The following CFAP77 variants were observed in gnomAD, a reference collection of about 807,000 sequenced individuals.
CFAP77 encodes the protein cilia and flagella associated protein 77, also known as cilia- and flagella-associated protein 77.
CFAP77 carries 25 observed loss-of-function variants against 31.1 expected under a neutral mutation model. The ratio of observed to expected loss-of-function variants is 0.80; its 90% CI spans 0.59 to 1.12. The LOEUF (loss-of-function observed/expected upper bound fraction) is 1.12, where lower values mean the gene tolerates loss of function less well. CFAP77 is among the 50% of genes most tolerant of loss of function. The pLI is 0.00. For synonymous variants in CFAP77, 151 were observed against 159.9 expected, an observed-to-expected ratio of 0.94 and a Z score of 0.42; for missense variants, 377 against 397.3, an observed-to-expected ratio of 0.95 and a Z score of 0.44.
At position 132,495,301 on chromosome 9, in the gene CFAP77, G is replaced by T. The variant is rs1382992904; in HGVS notation, c.196-3394G>T. On this transcript the variant is annotated intron_variant, in intron 1 of 5. Transcript: ENST00000393216. This position sits in a 1 kb window ranked among gnomAD's most constrained non-coding sequence, Gnocchi z 4.2. ...CCTGCTCCTTGCTCCCTGCCTGAGG[G>T]TGGCAGCCAGCTCCTGAGTCTGTCT... 6.6e-6 allele frequency among the ~76,000 whole-genome samples: 1 copy of T among 152,160 alleles called. No homozygotes were observed. Among genetic ancestry groups the T allele is most frequent in the African/African-American group, 2.4e-5 (1 of 41,424 alleles).
At chr9:132,473,850 A>AT (rs1408727172) in intron 1 of CFAP77, among the ~76,000 whole-genome samples, 46 of 152,134 alleles carry the variant, frequency 3.0e-4, no homozygotes, top group African/African-American at 1.1e-3. Flanking sequence ...CGCCCGGCTA[A>AT]TTTTGTATTT....
intron 3 of CFAP77, among the ~76,000 whole-genome samples, chr9:132,515,786 T>C (rs1852134647): frequency 6.6e-6 from 1 of 152,168 alleles, no homozygotes; most frequent in Non-Finnish European, 1.5e-5. Context: ...CCCATTTCCA[T>C]GGTGAGGAAC....
At chr9:132,491,897 G>A (rs571417311) in intron 1 of CFAP77, among the ~76,000 whole-genome samples, 9 of 152,170 alleles carry the variant, frequency 5.9e-5, no homozygotes, top group Non-Finnish European at 1.3e-4. Flanking sequence ...GCTTAAAGTT[G>A]CAATTTCCAA....
rs533275755 is a variant in CFAP77, at chr9:132,521,778, T to TTTTTTTTTTTTG, written c.525-15817_525-15816insTTTTTGTTTTTT. Among the ~76,000 whole-genome samples, 114 of 106,136 alleles carry TTTTTTTTTTTTG rather than the reference T, an allele frequency of 1.1e-3. 5 individuals carry two copies. The highest frequency in any genetic ancestry group is 3.8e-3 in the African/African-American group (98 of 26,042). The allele number at this position is 106,136 out of a possible 152,430, so 69.6% of individuals were successfully genotyped here. On this transcript the variant is annotated intron_variant, in intron 3 of 5. Transcript: ENST00000393216. ...ATAGACTTGCTTTTTTTTTTTTTTT[T>TTTTTTTTTTTTG]TTTTTTGAGATGAAGTCTCACTCTG...
intron 1 of CFAP77, among the ~76,000 whole-genome samples, chr9:132,435,120 G>A (rs1446935605): frequency 1.3e-5 from 2 of 152,194 alleles, no homozygotes; most frequent in Admixed American, 6.5e-5. Flanking sequence ...ATTTGGTATT[G>A]TATTTATAAG....
intron 5 of CFAP77, among the ~76,000 whole-genome samples, chr9:132,546,991 T>G (rs953033879): frequency 3.3e-5 from 5 of 152,164 alleles, no homozygotes; most frequent in African/African-American, 1.2e-4. Context: ...AAACCCAGGG[T>G]GAGCCAGCAG....
At position 132,511,540 on chromosome 9, in the gene CFAP77, G is replaced by A. The variant is rs1276297341; in HGVS notation, c.524+11940G>A. Among the ~76,000 whole-genome samples, 1 of 152,228 alleles carries A rather than the reference G, an allele frequency of 6.6e-6. No individual in the cohort carries two copies. Among genetic ancestry groups the A allele is most frequent in the African/African-American group, 2.4e-5 (1 of 41,456 alleles). On this transcript the variant is annotated intron_variant, in intron 3 of 5. Coordinates refer to ENST00000393216, the MANE Select transcript of CFAP77 (RefSeq NM_001282957.2). This position sits in a 1 kb window ranked among gnomAD's most constrained non-coding sequence, Gnocchi z 5.8. ...TGTAGGTGCTCAGTAAACGCTTGTT[G>A]ACTGACTGCGTGAGAGGGAACAGAT... is the stretch of plus-strand genomic sequence containing the variant.
chr9:132,513,773 G>A (rs1228593177), intron 3 of CFAP77, among the ~76,000 whole-genome samples: 2 of 152,214 alleles, frequency 1.3e-5, no homozygotes, highest in South Asian at 2.1e-4. Flanking sequence ...TGATGTCCAC[G>A]AGCAGAGCTG....
intron 1 of CFAP77, among the ~76,000 whole-genome samples, chr9:132,417,118 CTTTTTT>C (rs142153092): frequency 7.2e-6 from 1 of 139,232 alleles, no homozygotes; most frequent in East Asian, 2.1e-4. Context: ...TTCTTTTTTT[CTTTTTT>C]TTTTTTTTGA....
intron 3 of CFAP77, among the ~76,000 whole-genome samples, chr9:132,528,441 C>T (rs1487196214): frequency 6.7e-6 from 1 of 148,336 alleles, no homozygotes; most frequent in Non-Finnish European, 1.5e-5. Flanking sequence ...AGGACATAGG[C>T]GTGGGCAAGG....
At chr9:132,489,044 G>C in intron 1 of CFAP77, among the ~76,000 whole-genome samples, 1 of 152,056 alleles carries the variant, frequency 6.6e-6, no homozygotes, top group East Asian at 1.9e-4. Context: ...AGGAGGGAGG[G>C]GTGGTCAGAC....
intron 3 of CFAP77, among the ~76,000 whole-genome samples, chr9:132,523,679 C>T (rs1457655126): frequency 1.3e-5 from 2 of 152,222 alleles, no homozygotes; most frequent in Admixed American, 6.5e-5. Context: ...ACTTCTTTCC[C>T]GGTCCCTTAG....
intron 1 of CFAP77, among the ~76,000 whole-genome samples, chr9:132,439,814 A>T (rs1008244447): frequency 5.5e-5 from 8 of 144,592 alleles, no homozygotes; most frequent in Non-Finnish European, 1.2e-4. Context: ...GTGCCACTGC[A>T]CTCCAGCCTG....
In CFAP77 at chr9:132,452,726, G is replaced by A. The variant is rs560085884; in HGVS notation, c.195+42260G>A. Among the ~76,000 whole-genome samples the A allele has an allele frequency of 3.6e-3, 544 of 152,316 alleles. 4 individuals carry two copies. The highest frequency in any genetic ancestry group is 0.01 in the Middle Eastern group (3 of 294). ...AATTGGATATAAAGAAGAGGTGCCCGAGAGTGTGACGGATCTGTTGCTGAG... is the reference window on the plus strand; with the variant it reads ...AATTGGATATAAAGAAGAGGTGCCCAAGAGTGTGACGGATCTGTTGCTGAG... On this transcript the variant is annotated intron_variant, in intron 1 of 5. Coordinates refer to ENST00000393216, the MANE Select transcript of CFAP77 (RefSeq NM_001282957.2).
At chr9:132,438,194 G>A (rs1420482625) in intron 1 of CFAP77, among the ~76,000 whole-genome samples, 12 of 100,270 alleles carry the variant, frequency 1.2e-4, no homozygotes, top group Admixed American at 4.4e-4. Context: ...AGAGCGAGAC[G>A]CCATCAAAAA....
rs1405798219 is a variant in CFAP77, at chr9:132,545,097, G to T, written c.732+2050G>T. Among the ~76,000 whole-genome samples the T allele has an allele frequency of 6.6e-6, 1 of 152,240 alleles. No individual in the cohort carries two copies. The highest frequency in any genetic ancestry group is 1.5e-5 in the Non-Finnish European group (1 of 68,046). On this transcript the variant is annotated intron_variant, in intron 5 of 5. Coordinates refer to ENST00000393216, the MANE Select transcript of CFAP77 (RefSeq NM_001282957.2). The surrounding 1 kb of genome is among the most constrained non-coding windows in gnomAD (Gnocchi z 4.6). Reference sequence around the variant, plus strand: ...TGTGTCCCACGGCGCCTGGCCCCAAGTAGGAGCTAAATGCACATAGAATGA... The same window carrying T: ...TGTGTCCCACGGCGCCTGGCCCCAATTAGGAGCTAAATGCACATAGAATGA...
rs761355557 is a variant in CFAP77, at chr9:132,410,363, C to G, written c.92C>G (p.Pro31Arg). 1 of 1,598,994 alleles carries G rather than the reference C, an allele frequency of 6.3e-7. No homozygotes were observed. Among genetic ancestry groups the G allele is most frequent in the East Asian group, 2.3e-5 (1 of 43,332 alleles). The change falls in exon 1 of 6, where the codon CCC becomes CGC. Residue 31 changes from proline to arginine, a missense_variant. Physicochemically the swap from Pro to Arg is moderately radical, Grantham distance 103 (BLOSUM62 -2). Transcript: ENST00000393216. ...CGCACGGTCAGCCAGGTCTGCCCGC[C>G]CCCGCGGCGGCCCCTGACCGTGGCG... ...VRRTVSQVCPPPRRPLTVADI... is the reference protein window; with the variant it reads ...VRRTVSQVCPRPRRPLTVADI...
chr9:132,449,315 ACTCCTGGCTGCACTCAC>A (rs1850781801), intron 1 of CFAP77, among the ~76,000 whole-genome samples: 1 of 146,566 alleles, frequency 6.8e-6, no homozygotes, highest in Non-Finnish European at 1.5e-5. Context: ...CTCCTCTCCT[ACTCCTGGCTGCACTCAC>A]CCTCCTCTCC....
At chr9:132,523,415 G>T (rs1027423670) in intron 3 of CFAP77, among the ~76,000 whole-genome samples, 1 of 152,072 alleles carries the variant, frequency 6.6e-6, no homozygotes, top group Non-Finnish European at 1.5e-5. Context: ...ATCCACCCAC[G>T]TTTGTGCAGA....
Sources: allele counts gnomAD v4.1 joint callset (sites outside exome capture counted in the v4.1 genomes callset), GRCh38; gene constraint gnomAD v4.1.1; non-coding constraint Gnocchi (gnomAD v3.1); transcripts MANE v1.5; gene names NCBI Gene and HGNC (gene_info 2026-07-23, HGNC 2026-07-21).